PTPRM: variants seen among roughly 807,000 people sequenced by gnomAD.
PTPRM encodes receptor-type tyrosine-protein phosphatase mu.
Under a neutral mutation model 186.7 loss-of-function variants are expected in PTPRM, and 47 were observed. The observed-to-expected ratio is 0.25, with a 90% CI of 0.20 to 0.32. PTPRM has a LOEUF of 0.32. Among genes scored for constraint, PTPRM ranks in the 10% least tolerant of loss-of-function variants. The probability of loss-of-function intolerance (pLI) is 1.00; values close to 1 mark genes in which losing one functional copy is unlikely to be tolerated. For missense variants in PTPRM, 1,494 were observed against 1,865.0 expected (o/e 0.80, Z 3.66); for synonymous variants, 668 against 674.9 (o/e 0.99, Z 0.16).
intron 3 of PTPRM, among the ~76,000 whole-genome samples, chr18:7,898,524 C>T (rs1259476300): frequency 6.6e-6 from 1 of 152,168 alleles, no homozygotes; most frequent in Non-Finnish European, 1.5e-5. Flanking sequence ...TGTCAAACCT[C>T]TCAGAGGCCA....
chr18:8,087,384 G>A (rs1339548342), intron 10 of PTPRM, among the ~76,000 whole-genome samples: 1 of 152,056 alleles, frequency 6.6e-6, no homozygotes, highest in African/African-American at 2.4e-5. Context: ...CCGAGACTGG[G>A]TAACTTATAA....
At chr18:8,101,755 A>G (rs1217876199) in intron 11 of PTPRM, among the ~76,000 whole-genome samples, 1 of 152,174 alleles carries the variant, frequency 6.6e-6, no homozygotes, top group African/African-American at 2.4e-5. Flanking sequence ...GCCACAGGGC[A>G]CGTGAGCTGT....
intron 1 of PTPRM, among the ~76,000 whole-genome samples, chr18:7,645,323 C>T (rs778693396): frequency 3.1e-4 from 47 of 152,250 alleles, no homozygotes; most frequent in Non-Finnish European, 5.7e-4. Context: ...GTGGTTTAAT[C>T]ATCTTTCCAT....
intron 7 of PTPRM, among the ~76,000 whole-genome samples, chr18:8,059,420 T>C (rs1327569463): frequency 1.6e-5 from 1 of 62,802 alleles, no homozygotes; most frequent in Non-Finnish European, 3.0e-5. Context: ...TTTGACTTCC[T>C]CTTTTCCTAA....
At chr18:7,772,349 C>T (rs868114716) in intron 1 of PTPRM, among the ~76,000 whole-genome samples, 31 of 96,112 alleles carry the variant, frequency 3.2e-4, no homozygotes, top group South Asian at 1.9e-3. Flanking sequence ...TTCTTTCTTT[C>T]TCTTTCTTTC....
At chr18:7,807,207 A>G (rs1162720654) in intron 2 of PTPRM, among the ~76,000 whole-genome samples, 2 of 152,208 alleles carry the variant, frequency 1.3e-5, no homozygotes, top group African/African-American at 4.8e-5. Flanking sequence ...GTTTTCTTGT[A>G]GTGCTGATAT....
At chr18:8,126,998 A>C (rs2092383012) in intron 13 of PTPRM, among the ~76,000 whole-genome samples, 2 of 152,116 alleles carry the variant, frequency 1.3e-5, no homozygotes, top group African/African-American at 4.8e-5. Flanking sequence ...TCTTGATCCC[A>C]GGAGGAGTGG....
intron 1 of PTPRM, among the ~76,000 whole-genome samples, chr18:7,599,184 C>T (rs925445969): frequency 7.2e-5 from 11 of 152,098 alleles, no homozygotes; most frequent in Non-Finnish European, 1.2e-4. Flanking sequence ...AGAAAAGGAA[C>T]TTTGAAGTCT....
intron 15 of PTPRM, among the ~76,000 whole-genome samples, chr18:8,246,128 A>G (rs2094474779): frequency 6.6e-6 from 1 of 152,198 alleles, no homozygotes; most frequent in Admixed American, 6.5e-5. Flanking sequence ...AGATATCATA[A>G]TACTGTCTTG....
intron 14 of PTPRM, among the ~76,000 whole-genome samples, chr18:8,225,627 G>A (rs1259777068): frequency 6.6e-6 from 1 of 152,184 alleles, no homozygotes; most frequent in African/African-American, 2.4e-5. Flanking sequence ...ACCATCGGTA[G>A]CCCTGCTGTC....
At chr18:7,693,008 G>T (rs2039766870) in intron 1 of PTPRM, among the ~76,000 whole-genome samples, 1 of 152,174 alleles carries the variant, frequency 6.6e-6, no homozygotes, top group African/African-American at 2.4e-5. Flanking sequence ...ATTTTTCAGG[G>T]GCACTGAATT....
At chr18:8,281,103 C>T (rs188342267) in intron 19 of PTPRM, among the ~76,000 whole-genome samples, 41 of 152,206 alleles carry the variant, frequency 2.7e-4, no homozygotes, top group African/African-American at 8.9e-4. Flanking sequence ...AAGGAAGGGC[C>T]CCCTGCTCAA....
At chr18:7,686,353 A>C (rs1347847268) in intron 1 of PTPRM, among the ~76,000 whole-genome samples, 1 of 152,228 alleles carries the variant, frequency 6.6e-6, no homozygotes, top group Non-Finnish European at 1.5e-5. Context: ...AACTACTCAA[A>C]AAATGCATTG....
At chr18:8,299,851 T>C (rs1413836323) in intron 20 of PTPRM, among the ~76,000 whole-genome samples, 1 of 152,184 alleles carries the variant, frequency 6.6e-6, no homozygotes, top group Admixed American at 6.5e-5. Flanking sequence ...TGGGCTACTT[T>C]TGGCCCACAA....
At chr18:7,608,003 G>A (rs1398395990) in intron 1 of PTPRM, among the ~76,000 whole-genome samples, 2 of 152,194 alleles carry the variant, frequency 1.3e-5, no homozygotes, top group Admixed American at 1.3e-4. Context: ...TGCTCTACAG[G>A]ATCTCTCTCC....
intron 14 of PTPRM, among the ~76,000 whole-genome samples, chr18:8,234,393 G>T (rs2094320349): frequency 6.6e-6 from 1 of 152,162 alleles, no homozygotes; most frequent in African/African-American, 2.4e-5. Context: ...GCTCATTGCT[G>T]GTATATAGGA....
At chr18:7,592,081 T>G (rs1262094980) in intron 1 of PTPRM, among the ~76,000 whole-genome samples, 1 of 152,226 alleles carries the variant, frequency 6.6e-6, no homozygotes, top group Non-Finnish European at 1.5e-5. Context: ...TGATTTAAAT[T>G]ATTTATTGCA....
chr18:8,270,678 A>G (rs1317217545), intron 19 of PTPRM, among the ~76,000 whole-genome samples: 1 of 152,184 alleles, frequency 6.6e-6, no homozygotes, highest in Non-Finnish European at 1.5e-5. Flanking sequence ...TCAGCCACAA[A>G]AAAAGAAGTC....
At chr18:7,758,760 T>C (rs2041627871) in intron 1 of PTPRM, among the ~76,000 whole-genome samples, 1 of 152,208 alleles carries the variant, frequency 6.6e-6, no homozygotes, top group African/African-American at 2.4e-5. Context: ...GATAAACATC[T>C]CTCTGAAGTT....
Sources: allele counts gnomAD v4.1 joint callset (sites outside exome capture counted in the v4.1 genomes callset), GRCh38; gene constraint gnomAD v4.1.1; transcripts MANE v1.5; gene names NCBI Gene and HGNC (gene_info 2026-07-23, HGNC 2026-07-21).